The following GNA12 variants were observed in gnomAD, a reference collection of about 807,000 sequenced individuals.
GNA12 encodes guanine nucleotide-binding protein subunit alpha-12.
Under a neutral mutation model 26.0 loss-of-function variants are expected in GNA12, and 9 were observed. That is an observed-to-expected ratio of 0.35 (90% CI 0.21 to 0.60). GNA12 has a LOEUF of 0.60. Ranked by LOEUF, GNA12 falls within the 20% of genes least tolerant of loss-of-function variation. The pLI is 0.78. For synonymous variants in GNA12, 264 were observed against 219.6 expected (o/e 1.20, Z -1.79); for missense variants, 405 against 525.8 (o/e 0.77, Z 2.25).
intron 2 of GNA12, among the ~76,000 whole-genome samples, chr7:2,773,330 G>A (rs375620063): frequency 6.0e-4 from 92 of 152,316 alleles, no homozygotes; most frequent in African/African-American, 2.0e-3. Flanking sequence ...TTGGGAGGCC[G>A]ACATGGGTGA....
chr7:2,843,298 C>A (rs1197434028), intron 1 of GNA12, among the ~76,000 whole-genome samples: 1 of 152,134 alleles, frequency 6.6e-6, no homozygotes, highest in Non-Finnish European at 1.5e-5. Context: ...CACTCCCCAT[C>A]CCCAGAAGCT....
At chr7:2,805,928 G>A (rs147143766) in intron 1 of GNA12, among the ~76,000 whole-genome samples, 202 of 152,166 alleles carry the variant, frequency 1.3e-3, no homozygotes, top group African/African-American at 4.7e-3. Context: ...TGAACTGAGA[G>A]GTATTATAAA....
chr7:2,835,281 G>A (rs1339981007), intron 1 of GNA12, among the ~76,000 whole-genome samples: 1 of 152,096 alleles, frequency 6.6e-6, no homozygotes, highest in East Asian at 1.9e-4. Context: ...ACACAACTTC[G>A]GGAACACCAA....
chr7:2,840,362 T>C (rs1166605080), intron 1 of GNA12, among the ~76,000 whole-genome samples: 3 of 152,226 alleles, frequency 2.0e-5, no homozygotes, highest in African/African-American at 7.2e-5. Context: ...AATTTCCTCA[T>C]TCACTAAATG....
At chr7:2,758,729 GC>G (rs1791417016) in intron 2 of GNA12, among the ~76,000 whole-genome samples, 2 of 152,212 alleles carry the variant, frequency 1.3e-5, no homozygotes, top group African/African-American at 2.4e-5. Flanking sequence ...CAGAGTCACA[GC>G]CCTAGGCTGG....
chr7:2,842,214 C>T (rs1418655069), intron 1 of GNA12, among the ~76,000 whole-genome samples: 1 of 151,580 alleles, frequency 6.6e-6, no homozygotes, highest in East Asian at 1.9e-4. Flanking sequence ...CAAGGCTGCA[C>T]TGTTCCCTCA....
chr7:2,809,654 C>T (rs1383493198), intron 1 of GNA12, among the ~76,000 whole-genome samples: 2 of 151,836 alleles, frequency 1.3e-5, no homozygotes, highest in Non-Finnish European at 2.9e-5. Flanking sequence ...AGGAACAGTA[C>T]AATAAAAATG....
intron 1 of GNA12, among the ~76,000 whole-genome samples, chr7:2,832,510 G>A (rs1040120272): frequency 6.6e-6 from 1 of 152,232 alleles, no homozygotes; most frequent in Admixed American, 6.5e-5. Flanking sequence ...CCACCACGGT[G>A]ACGAGAGAAT....
At chr7:2,788,723 G>A (rs1792429119) in intron 2 of GNA12, among the ~76,000 whole-genome samples, 1 of 152,202 alleles carries the variant, frequency 6.6e-6, no homozygotes, top group Non-Finnish European at 1.5e-5. Context: ...AGTAGGACAT[G>A]AGGGTAAGGA....
At chr7:2,807,921 G>A (rs1434872473) in intron 1 of GNA12, among the ~76,000 whole-genome samples, 4 of 152,120 alleles carry the variant, frequency 2.6e-5, no homozygotes, top group Non-Finnish European at 4.4e-5. Flanking sequence ...ACCTGTTCGC[G>A]CAGAAACCGC....
At chr7:2,754,028 C>A (rs1192651728) in intron 2 of GNA12, among the ~76,000 whole-genome samples, 1 of 152,242 alleles carries the variant, frequency 6.6e-6, no homozygotes, top group Non-Finnish European at 1.5e-5. Flanking sequence ...CCCTTAAGTT[C>A]AGCGTTACTC....
intron 1 of GNA12, among the ~76,000 whole-genome samples, chr7:2,804,022 G>A (rs905957947): frequency 6.6e-6 from 1 of 152,122 alleles, no homozygotes. Context: ...GATAAGTCTC[G>A]GAATCTCCCT....
intron 1 of GNA12, among the ~76,000 whole-genome samples, chr7:2,810,024 T>C (rs912171713): frequency 1.3e-5 from 2 of 152,328 alleles, no homozygotes; most frequent in East Asian, 3.9e-4. Flanking sequence ...TAGAGGGAAA[T>C]GGTTTGACAT....
At chr7:2,775,204 C>T (rs1368522738) in intron 2 of GNA12, 1 of 152,216 alleles carries the variant, frequency 6.6e-6, no homozygotes, top group Non-Finnish European at 1.5e-5. Flanking sequence ...AGCCGCTGCG[C>T]CAGCTTCCAG....
chr7:2,765,561 TTAAAGG>T (rs1791768684), intron 2 of GNA12, among the ~76,000 whole-genome samples: 4 of 152,036 alleles, frequency 2.6e-5, no homozygotes, highest in Admixed American at 2.6e-4. Flanking sequence ...CAACATTCAA[TTAAAGG>T]TAAAGAAAAC....
intron 1 of GNA12, among the ~76,000 whole-genome samples, chr7:2,810,795 G>A (rs1793061922): frequency 6.6e-6 from 1 of 152,176 alleles, no homozygotes. Flanking sequence ...CTACGTGGGA[G>A]GTTGAGGCAA....
At chr7:2,774,539 G>A (rs1281713870) in intron 2 of GNA12, among the ~76,000 whole-genome samples, 8 of 152,216 alleles carry the variant, frequency 5.3e-5, no homozygotes, top group Admixed American at 2.6e-4. Flanking sequence ...GCCTGCAGCA[G>A]TGACAGAGAG....
chr7:2,834,181 ATTC>A (rs1778763162), intron 1 of GNA12, among the ~76,000 whole-genome samples: 1 of 152,234 alleles, frequency 6.6e-6, no homozygotes, highest in Admixed American at 6.5e-5. Context: ...GAAAGTTCTG[ATTC>A]TTTAGTATCT....
intron 1 of GNA12, among the ~76,000 whole-genome samples, chr7:2,805,278 C>CATT (rs1792917350): frequency 6.6e-6 from 1 of 152,262 alleles, no homozygotes; most frequent in African/African-American, 2.4e-5. Context: ...ACTCACTGTC[C>CATT]ATTAGCTCAT....
Sources: allele counts gnomAD v4.1 joint callset (sites outside exome capture counted in the v4.1 genomes callset), GRCh38; gene constraint gnomAD v4.1.1; transcripts MANE v1.5; gene names NCBI Gene and HGNC (gene_info 2026-07-23, HGNC 2026-07-21).